Variants in TTK observed in about 807,000 individuals in gnomAD.
The protein encoded by TTK is dual specificity protein kinase TTK.
Under a neutral mutation model 117.3 loss-of-function variants are expected in TTK, and 59 were observed. That is an observed-to-expected ratio of 0.50 (90% CI 0.41 to 0.62). The LOEUF is 0.62. TTK is among the 20% of genes least tolerant of loss of function. The pLI is 0.00. For synonymous variants in TTK, 302 were observed against 325.0 expected (o/e 0.93, Z 0.76); for missense variants, 921 against 989.4 (o/e 0.93, Z 0.93).
chr6:80,010,738 A>T (rs1767119290), intron 4 of TTK, 76 bp from the exon 5 acceptor site: 2 of 1,421,990 alleles, frequency 1.4e-6, no homozygotes, highest in Non-Finnish European at 1.9e-6. Flanking sequence ...CTAGGTCCTG[A>T]TGAATACGTA....
At chr6:80,012,287 C>T (rs1034715054) in intron 8 of TTK, among the ~76,000 whole-genome samples, 1 of 151,968 alleles carries the variant, frequency 6.6e-6, no homozygotes, top group Non-Finnish European at 1.5e-5. Context: ...CTAAGAATCT[C>T]TTCCTGTTTT....
chr6:80,010,956 A>G lies in TTK; in HGVS notation c.612A>G (p.Ser204=), dbSNP rs1280116274. Residue 204 remains serine (S), a splice_region_variant and synonymous_variant, in exon 5 of 22, where the codon TCA becomes TCG. Transcript: ENST00000369798. ...CAGAGGAGGAAAAGAAGAATTTATC[A>G]GGTAACTATTAAGGTATACTAATAC... is the stretch of plus-strand genomic sequence containing the variant. The part of the protein sequence containing the change: ...LLSEEEKKNL[S]ASTVLTAQES... The G allele has an allele frequency of 1.2e-6, 2 of 1,611,452 alleles. No individual in the cohort carries two copies. Among genetic ancestry groups the G allele is most frequent in the Non-Finnish European group, 1.7e-6 (2 of 1,178,250 alleles).
chr6:80,007,865 T>C lies in TTK; in HGVS notation c.196T>C (p.Leu66=). 6.2e-7 allele frequency: 1 copy of C among 1,613,454 alleles called. No individual in the cohort carries two copies. The highest frequency in any genetic ancestry group is 8.5e-7 in the Non-Finnish European group (1 of 1,179,576). The change falls in exon 3 of 22, where the codon TTG becomes CTG. Residue 66 remains leucine, a synonymous_variant. Coordinates refer to ENST00000369798, the MANE Select transcript of TTK (RefSeq NM_003318.5). The part of the protein sequence containing the change: ...MMMANNPEDW[L]SLLLKLEKNS... ...GATGGCAAACAACCCAGAGGACTGG[T>C]TGAGTTTGTTGCTCAAACTAGAGAA...
intron 12 of TTK, 75 bp from the exon 13 acceptor site, chr6:80,027,810 A>G: frequency 8.1e-7 from 1 of 1,227,776 alleles, no homozygotes; most frequent in Non-Finnish European, 1.1e-6. Context: ...ATATCAGTCT[A>G]AAATACATGA....
intron 13 of TTK, 61 bp downstream of exon 13, chr6:80,028,072 T>C: frequency 6.9e-7 from 1 of 1,457,694 alleles, no homozygotes; most frequent in Non-Finnish European, 9.1e-7. Flanking sequence ...ACAGCTTTTA[T>C]TTTTATAGCA....
At chr6:80,041,226 A>AT (rs1440061405) in intron 21 of TTK, among the ~76,000 whole-genome samples, 2 of 151,888 alleles carry the variant, frequency 1.3e-5, no homozygotes, top group Non-Finnish European at 3.0e-5. Context: ...TGACCAACTG[A>AT]TTTAGCCAAC....
In TTK at chr6:80,040,208, A is replaced by G. The variant is rs945817978; in HGVS notation, c.2320A>G (p.Arg774Gly). Reference sequence around the variant, plus strand: ...TTTGTTTTAATAGTGTTGTTTAAAAAGGGACCCAAAACAGAGGATATCCAT... The same window carrying G: ...TTTGTTTTAATAGTGTTGTTTAAAAGGGGACCCAAAACAGAGGATATCCAT... ...LQDVLKCCLK[R>G]DPKQRISIPE... Residue 774 changes from arginine to glycine, a missense_variant, in exon 20 of 22, where the codon AGG becomes GGG. Physicochemically the swap from Arg to Gly is moderately radical, Grantham distance 125. Coordinates refer to ENST00000369798, the MANE Select transcript of TTK (RefSeq NM_003318.5). 6 of 1,584,136 alleles carry G rather than the reference A, an allele frequency of 3.8e-6. No homozygotes were observed. The highest frequency in any genetic ancestry group is 3.6e-5 in the Admixed American group (2 of 55,752).
rs1767165599 is a variant in TTK at position 80,011,809 on chromosome 6, A to G, written c.801+8A>G. ...ACTAACAAAACTAAACAGGTAAGTTACTTTCAATCTGCTTGATTAAGGTGG... is the reference window on the plus strand; with the variant it reads ...ACTAACAAAACTAAACAGGTAAGTTGCTTTCAATCTGCTTGATTAAGGTGG... On this transcript the variant is annotated splice_region_variant and intron_variant, in intron 7 of 21. Transcript: ENST00000369798. The G allele has an allele frequency of 1.2e-6, 2 of 1,612,542 alleles. No individual in the cohort carries two copies.
intron 13 of TTK, among the ~76,000 whole-genome samples, chr6:80,030,495 G>A (rs1767728074): frequency 6.6e-6 from 1 of 152,192 alleles, no homozygotes; most frequent in South Asian, 2.1e-4. Flanking sequence ...TGGTTCCACA[G>A]GCTGTACAGT....
intron 12 of TTK, among the ~76,000 whole-genome samples, chr6:80,027,544 A>G (rs114879519): frequency 0.01 from 1,584 of 152,298 alleles, 21 homozygotes; most frequent in African/African-American, 0.037. Flanking sequence ...ATTATAGAAC[A>G]TTATTGTTTA....
chr6:80,008,602 A>G, intron 4 of TTK, 110 bp downstream of exon 4: 1 of 941,108 alleles, frequency 1.1e-6, no homozygotes, highest in South Asian at 1.8e-5. Flanking sequence ...AAAAGACATT[A>G]AAGTTGATCA....
In TTK at chr6:80,011,766, C is replaced by G. The variant is rs199898922; in HGVS notation, c.766C>G (p.Arg256Gly). 6.8e-6 allele frequency: 11 copies of G among 1,612,482 alleles called. No individual in the cohort carries two copies. The highest frequency in any genetic ancestry group is 6.6e-5 in the South Asian group (6 of 91,016). Residue 256 changes from arginine (R) to glycine (G), a missense_variant, in exon 7 of 22, where the codon CGG becomes GGG. Coordinates refer to ENST00000369798, the MANE Select transcript of TTK (RefSeq NM_003318.5). ...MPPQDAEIGY[R>G]NSLRQTNKTK... Reference sequence around the variant, plus strand: ...ACCACAAGATGCAGAAATAGGTTACCGGAATTCATTGAGACAAACTAACAA... The same window carrying G: ...ACCACAAGATGCAGAAATAGGTTACGGGAATTCATTGAGACAAACTAACAA...
rs749981250 is a variant in TTK, at chr6:80,026,454, T to A, written c.1334T>A (p.Phe445Tyr). Reference protein sequence around the residue: ...QSPPISTSKWFDPKSICKTPS... With the variant: ...QSPPISTSKWYDPKSICKTPS... ...CCACCAATATCAACATCTAAATGGT[T>A]TGACCCAAAATCTATTTGTAAGACA... The change falls in exon 12 of 22, where the codon TTT becomes TAT. Residue 445 changes from phenylalanine (F) to tyrosine (Y), a missense_variant. By Grantham distance (22) the Phe-to-Tyr change is conservative. Coordinates refer to ENST00000369798, the MANE Select transcript of TTK (RefSeq NM_003318.5). 11 of 1,613,774 alleles carry A rather than the reference T, an allele frequency of 6.8e-6. No homozygotes were observed. The Admixed American group carries it at 8.3e-5, about 12-fold the overall frequency.
At chr6:80,012,004 A>G (rs559322147) in intron 8 of TTK, 24 bp downstream of exon 8, 462 of 1,582,858 alleles carry the variant, frequency 2.9e-4, no homozygotes, top group Non-Finnish European at 3.7e-4. Context: ...TAATTTTTAA[A>G]ATTTGTTGTC....
At chr6:80,007,131 A>G (rs565862947) in intron 2 of TTK, among the ~76,000 whole-genome samples, 198 of 152,300 alleles carry the variant, frequency 1.3e-3, no homozygotes, top group Non-Finnish European at 2.4e-3. Context: ...TTCCACAGAG[A>G]GAAACCTGAC....
At chr6:80,029,690 C>T (rs1241656788) in intron 13 of TTK, among the ~76,000 whole-genome samples, 1 of 152,056 alleles carries the variant, frequency 6.6e-6, no homozygotes, top group East Asian at 1.9e-4. Context: ...TAAGTTTTAC[C>T]CTAAGAGGGT....
intron 13 of TTK, among the ~76,000 whole-genome samples, chr6:80,029,670 G>A (rs1479571076): frequency 6.6e-6 from 1 of 152,180 alleles, no homozygotes; most frequent in Non-Finnish European, 1.5e-5. Context: ...CCCAAGGTTT[G>A]CTGGGCCCTT....
In TTK at chr6:80,039,695, G is replaced by A; in HGVS notation, c.2131-1G>A. The A allele has an allele frequency of 6.7e-7, 1 of 1,491,972 alleles. No homozygotes were observed. Among genetic ancestry groups the A allele is most frequent in the Non-Finnish European group, 8.9e-7 (1 of 1,126,142 alleles). The allele number at this position is 1,491,972 out of a possible 1,614,324, so 92.4% of individuals were successfully genotyped here. A position where few individuals can be genotyped will look rare whatever the true frequency, so the allele number is the denominator to read the frequency against. On this transcript the variant is annotated splice_acceptor_variant, in intron 18 of 21. Transcript: ENST00000369798. LOFTEE classifies it high-confidence loss of function. ...TTTGTGTTTGTTTGTTTTTTTCTTA[G>A]ATAAGCCCCAAAAGTGATGTTTGGT...
At chr6:80,040,489 G>T in intron 20 of TTK, 117 bp from the exon 21 acceptor site, 1 of 947,048 alleles carries the variant, frequency 1.1e-6, no homozygotes, top group Admixed American at 3.1e-5. Flanking sequence ...CAGATAACGG[G>T]TTATAATCAG....
Sources: gnomAD v4.1 joint callset for allele counts (sites outside exome capture counted in the v4.1 genomes callset) on GRCh38, gnomAD v4.1.1 for gene constraint, MANE v1.5 for transcripts, NCBI Gene and HGNC (gene_info 2026-07-23, HGNC 2026-07-21) for gene names.